The following KIAA1549L variants were observed in gnomAD, a reference collection of about 807,000 sequenced individuals.
The protein encoded by KIAA1549L is KIAA1549 like, also known as UPF0606 protein KIAA1549L.
A neutral mutation model predicts 160.7 loss-of-function variants in KIAA1549L; 88 were observed. That is an observed-to-expected ratio of 0.55 (90% CI 0.46 to 0.65). The LOEUF (loss-of-function observed/expected upper bound fraction) is 0.65, where lower values mean the gene tolerates loss of function less well. Ranked by LOEUF, KIAA1549L falls within the 30% of genes least tolerant of loss-of-function variation. The probability of loss-of-function intolerance (pLI) is 0.00; values close to 1 mark genes in which losing one functional copy is unlikely to be tolerated. For synonymous variants in KIAA1549L, 950 were observed against 976.7 expected (o/e 0.97, Z 0.51); for missense variants, 2,258 against 2,437.5 (o/e 0.93, Z 1.55).
chr11:33,466,099 G>C (rs1211382082), intron 1 of KIAA1549L, among the ~76,000 whole-genome samples: 1 of 151,746 alleles, frequency 6.6e-6, no homozygotes, highest in African/African-American at 2.4e-5. Flanking sequence ...TTCTCTACCA[G>C]CTGCTGCTTC....
intron 1 of KIAA1549L, among the ~76,000 whole-genome samples, chr11:33,515,644 A>G (rs1021923382): frequency 6.6e-6 from 1 of 152,244 alleles, no homozygotes; most frequent in African/African-American, 2.4e-5. Context: ...TACTTTGCAT[A>G]GCAACTGCAG....
At chr11:33,581,324 A>G (rs544179622) in intron 10 of KIAA1549L, among the ~76,000 whole-genome samples, 77 of 152,126 alleles carry the variant, frequency 5.1e-4, no homozygotes, top group African/African-American at 1.8e-3. Flanking sequence ...TCCTTTCAAC[A>G]TTTGCTGTAC....
At chr11:33,655,483 T>C (rs956542188) in intron 17 of KIAA1549L, among the ~76,000 whole-genome samples, 73 of 152,232 alleles carry the variant, frequency 4.8e-4, no homozygotes, top group Admixed American at 4.3e-3. Flanking sequence ...GATTCATCCA[T>C]TTAATCATCT....
At position 33,473,570 on chromosome 11, in the gene KIAA1549L, CT is replaced by C. The variant is rs532564545; in HGVS notation, c.239-68229del. Among the ~76,000 whole-genome samples the C allele has an allele frequency of 6.5e-3, 997 of 152,306 alleles. 4 individuals are homozygous for C. Among genetic ancestry groups the C allele is most frequent in the Non-Finnish European group, 0.012 (809 of 68,016 alleles). On this transcript the variant is annotated intron_variant, in intron 1 of 20. Coordinates refer to ENST00000658780, the MANE Select transcript of KIAA1549L (RefSeq NM_012194.3). ...AAGGCCCTGTCTTATAATCTCATTCCTTTGCCAAGCAGCCTACTATAGTGTC... is the reference window on the plus strand; with the variant it reads ...AAGGCCCTGTCTTATAATCTCATTCCTTGCCAAGCAGCCTACTATAGTGTC...
Position 33,542,762 on chromosome 11 carries a change from G to T in KIAA1549L, c.1199G>T (p.Gly400Val), listed in dbSNP as rs770684646. The part of the protein sequence containing the change: ...KAGVPGRVHN[G>V]VSLPTFKNTE... ...GGGGTGCCTGGAAGAGTGCACAATG[G>T]GGTGTCTTTGCCAACTTTTAAGAAT... The change falls in exon 2 of 21, where the codon GGG becomes GTG. Residue 400 changes from glycine to valine, a missense_variant. Physicochemically the swap from Gly to Val is moderately radical, Grantham distance 109 (BLOSUM62 -3). Around this residue, in one of 6 missense-constraint regions of KIAA1549L, gnomAD observed 540 missense variants for 465.7 expected, o/e 1.16. Coordinates refer to ENST00000658780, the MANE Select transcript of KIAA1549L (RefSeq NM_012194.3). The T allele has an allele frequency of 6.2e-7, 1 of 1,613,910 alleles. No individual in the cohort carries two copies.
intron 1 of KIAA1549L, among the ~76,000 whole-genome samples, chr11:33,455,237 T>A (rs1378007977): frequency 1.3e-5 from 2 of 152,196 alleles, no homozygotes; most frequent in Non-Finnish European, 2.9e-5. Context: ...TTGCCAGCAA[T>A]AACAAGTGCT....
In KIAA1549L at chr11:33,645,751, G is replaced by T. The variant is rs761756748; in HGVS notation, c.5475G>T (p.Arg1825Ser). 12 of 1,613,962 alleles carry T rather than the reference G, an allele frequency of 7.4e-6. No individual in the cohort carries two copies. The highest frequency in any genetic ancestry group is 1.0e-5 in the Non-Finnish European group (12 of 1,179,892). Residue 1825 changes from arginine to serine, a missense_variant, in exon 17 of 21, where the codon AGG becomes AGT. Arg to Ser is a moderately radical substitution (Grantham distance 110). Around this residue, in one of 6 missense-constraint regions of KIAA1549L, gnomAD observed 1,359 missense variants for 1,546.6 expected, o/e 0.88. Transcript: ENST00000658780. ...TTCCTGAGCCCCGGGGCTATTCCAG[G>T]TCTCGACAGGTGAAAGGCCACTCGG... ...DRVPEPRGYS[R>S]SRQVKGHSET...
intron 17 of KIAA1549L, among the ~76,000 whole-genome samples, chr11:33,654,142 T>G (rs1345637889): frequency 6.6e-6 from 1 of 151,294 alleles, no homozygotes; most frequent in African/African-American, 2.4e-5. Context: ...CCAGCTAATT[T>G]TTTGTATTTT....
At chr11:33,483,001 C>T (rs990601378) in intron 1 of KIAA1549L, among the ~76,000 whole-genome samples, 4 of 152,086 alleles carry the variant, frequency 2.6e-5, no homozygotes, top group Non-Finnish European at 4.4e-5. Flanking sequence ...CTATCCAGCT[C>T]GCTGTTCCCT....
chr11:33,547,655 C>G (rs374953466), intron 3 of KIAA1549L, 109 bp from the exon 4 acceptor site: 6 of 689,734 alleles, frequency 8.7e-6, no homozygotes. Flanking sequence ...CTGTGCTTAC[C>G]GGCTCTGCCC....
chr11:33,464,474 ATG>A (rs3038997), intron 1 of KIAA1549L, among the ~76,000 whole-genome samples: 11,745 of 139,832 alleles, frequency 0.084, 489 homozygotes, highest in Middle Eastern at 0.16. Context: ...CTGTGTGTGC[ATG>A]TGTGTGTGTG....
At chr11:33,441,581 G>A (rs1851507535) in intron 1 of KIAA1549L, among the ~76,000 whole-genome samples, 1 of 152,048 alleles carries the variant, frequency 6.6e-6, no homozygotes, top group African/African-American at 2.4e-5. Context: ...TCCAGCACCT[G>A]TTGTTTCCTG....
At chr11:33,547,726 G>A (rs369600322) in intron 3 of KIAA1549L, 38 bp from the exon 4 acceptor site, 14 of 1,335,812 alleles carry the variant, frequency 1.0e-5, no homozygotes, top group Middle Eastern at 3.6e-4. Flanking sequence ...GAGGTTTGTC[G>A]CCTTGCCTGA....
intron 1 of KIAA1549L, among the ~76,000 whole-genome samples, chr11:33,415,064 A>G (rs1007192085): frequency 5.9e-5 from 9 of 151,524 alleles, no homozygotes; most frequent in African/African-American, 2.2e-4. Flanking sequence ...TTCCTTGGTG[A>G]TTTCTTTCCT....
chr11:33,640,585 G>A (rs989800607), intron 16 of KIAA1549L, among the ~76,000 whole-genome samples: 19 of 152,304 alleles, frequency 1.2e-4, no homozygotes, highest in South Asian at 8.3e-4. Context: ...TGGGGAGAGC[G>A]TTGGCAGTGC....
chr11:33,499,793 A>G (rs1336385825), intron 1 of KIAA1549L, among the ~76,000 whole-genome samples: 2 of 152,210 alleles, frequency 1.3e-5, no homozygotes, highest in Non-Finnish European at 2.9e-5. Flanking sequence ...ATGTGCATTT[A>G]TGGAGCACTT....
At chr11:33,649,117 A>C (rs1851806558) in intron 17 of KIAA1549L, among the ~76,000 whole-genome samples, 1 of 152,140 alleles carries the variant, frequency 6.6e-6, no homozygotes, top group African/African-American at 2.4e-5. Flanking sequence ...CCTAACTTCA[A>C]ATCCCACGCT....
intron 8 of KIAA1549L, among the ~76,000 whole-genome samples, chr11:33,564,668 G>T (rs1046260759): frequency 1.3e-5 from 2 of 152,194 alleles, no homozygotes; most frequent in Non-Finnish European, 2.9e-5. Flanking sequence ...CCCACCAGAG[G>T]CAAAATATCC....
In KIAA1549L at chr11:33,589,206, A is replaced by G. The variant is rs551246532; in HGVS notation, c.4567-2031A>G. On this transcript the variant is annotated intron_variant, in intron 11 of 20. Coordinates refer to ENST00000658780, the MANE Select transcript of KIAA1549L (RefSeq NM_012194.3). ...CAGAGAAATGCAAATCAAAACCACA[A>G]TGAGATATCATCTCACACCAGTTAG... Among the ~76,000 whole-genome samples, 181 of 152,358 alleles carry G rather than the reference A, an allele frequency of 1.2e-3. 1 individual carries two copies. The highest frequency in any genetic ancestry group is 4.3e-3 in the African/African-American group (178 of 41,592).
Sources: gnomAD v4.1 joint callset for allele counts (sites outside exome capture counted in the v4.1 genomes callset) on GRCh38, gnomAD v4.1.1 for gene constraint, gnomAD v4.1.1 regional missense constraint, MANE v1.5 for transcripts, NCBI Gene and HGNC (gene_info 2026-07-23, HGNC 2026-07-21) for gene names.